GIGYF2: variants seen among roughly 807,000 people sequenced by gnomAD.
GIGYF2 encodes the protein GRB10-interacting GYF protein 2.
A neutral mutation model predicts 208.1 loss-of-function variants in GIGYF2; 25 were observed. The ratio of observed to expected loss-of-function variants is 0.12; its 90% CI spans 0.09 to 0.17. The LOEUF (loss-of-function observed/expected upper bound fraction) is 0.17, where lower values mean the gene tolerates loss of function less well. Ranked by LOEUF, GIGYF2 falls within the 10% of genes least tolerant of loss-of-function variation. GIGYF2 has a pLI of 1.00. For missense variants in GIGYF2, 1,302 were observed against 1,579.4 expected (o/e 0.82, Z 2.98); for synonymous variants, 534 against 543.8 (o/e 0.98, Z 0.25).
intron 8 of GIGYF2, among the ~76,000 whole-genome samples, chr2:232,772,274 G>A (rs1699298172): frequency 6.6e-6 from 1 of 152,086 alleles, no homozygotes; most frequent in African/African-American, 2.4e-5. Context: ...CATGTTCGTG[G>A]ATTCTTTCTG....
intron 2 of GIGYF2, among the ~76,000 whole-genome samples, chr2:232,714,126 A>G (rs1696562611): frequency 6.6e-6 from 1 of 151,272 alleles, no homozygotes; most frequent in African/African-American, 2.4e-5. Context: ...ATTTTTTTGT[A>G]TTTTTTAGTA....
At chr2:232,799,796 A>G (rs1384611759) in intron 14 of GIGYF2, among the ~76,000 whole-genome samples, 3 of 152,048 alleles carry the variant, frequency 2.0e-5, no homozygotes, top group African/African-American at 2.4e-5. Flanking sequence ...TCTCTCCAAC[A>G]CTTTTTTAAT....
chr2:232,729,561 CAT>C (rs1559387716), intron 2 of GIGYF2: 4 of 1,405,346 alleles, frequency 2.8e-6, no homozygotes, highest in African/African-American at 2.8e-5. Flanking sequence ...ATGGACTGCA[CAT>C]AGTCTTCAAA....
At position 232,787,169 on chromosome 2, in the gene GIGYF2, A is replaced by G; in HGVS notation, c.552A>G (p.Glu184=). The change falls in exon 9 of 29, where the codon GAA becomes GAG. Residue 184 remains glutamate, a synonymous_variant. Transcript: ENST00000373563. ...TTATAGGGAGACCAAATTTTGAGGAAGGTGGACCAACATCAGTAGGGAGAA... is the reference window on the plus strand; with the variant it reads ...TTATAGGGAGACCAAATTTTGAGGAGGGTGGACCAACATCAGTAGGGAGAA... ...RKDVGRPNFE[E]GGPTSVGRKH... The G allele has an allele frequency of 1.2e-6, 2 of 1,613,842 alleles. No homozygotes were observed. The highest frequency in any genetic ancestry group is 1.7e-6 in the Non-Finnish European group (2 of 1,179,754).
chr2:232,761,726 A>G (rs1247599043), intron 8 of GIGYF2, among the ~76,000 whole-genome samples: 2 of 151,974 alleles, frequency 1.3e-5, no homozygotes, highest in South Asian at 2.1e-4. Flanking sequence ...ATAGCATCTC[A>G]CAGATGAGAA....
chr2:232,707,858 G>A (rs775617839), intron 2 of GIGYF2, among the ~76,000 whole-genome samples: 1 of 151,940 alleles, frequency 6.6e-6, no homozygotes, highest in Non-Finnish European at 1.5e-5. Flanking sequence ...GGCTGGTCCC[G>A]AACTCTTGAC....
chr2:232,825,874 A>C, intron 21 of GIGYF2, among the ~76,000 whole-genome samples: 1 of 121,532 alleles, frequency 8.2e-6, no homozygotes. Context: ...CCCTCGACAG[A>C]CCCTGGTGTG....
intron 6 of GIGYF2, among the ~76,000 whole-genome samples, chr2:232,757,344 C>T (rs1698588999): frequency 6.8e-6 from 1 of 147,566 alleles, no homozygotes; most frequent in African/African-American, 2.7e-5. Context: ...TTTATTTGTC[C>T]ATCTTTAGAG....
chr2:232,755,337 A>G (rs1698493373), intron 5 of GIGYF2, among the ~76,000 whole-genome samples: 1 of 151,960 alleles, frequency 6.6e-6, no homozygotes. Context: ...CGCCCGGCTA[A>G]TTTTTGTATT....
chr2:232,756,197 C>CTTTTTTTTTTTTTTTTTTTTTTTTTTGTT, intron 5 of GIGYF2, 26 bp from the exon 6 acceptor site: 1 of 709,936 alleles, frequency 1.4e-6, no homozygotes, highest in Admixed American at 2.9e-5. Flanking sequence ...TCCTTTTTCT[C>CTTTTTTTTTTTTTTTTTTTTTTTTTTGTT]TTTTTTTTTT....
chr2:232,815,793 C>T, intron 19 of GIGYF2, 56 bp downstream of exon 19: 1 of 906,272 alleles, frequency 1.1e-6, no homozygotes, highest in Non-Finnish European at 1.8e-6. Context: ...AGGACATAAA[C>T]ATTGCTGTTT....
At chr2:232,734,821 A>G (rs1697664620) in intron 2 of GIGYF2, among the ~76,000 whole-genome samples, 1 of 151,780 alleles carries the variant, frequency 6.6e-6, no homozygotes, top group African/African-American at 2.4e-5. Flanking sequence ...CCTTTCATTC[A>G]CTCCCCATTG....
chr2:232,715,197 A>G (rs1407773362), intron 2 of GIGYF2, among the ~76,000 whole-genome samples: 2 of 152,134 alleles, frequency 1.3e-5, no homozygotes, highest in East Asian at 3.9e-4. Flanking sequence ...GCATGCAAAT[A>G]GTTTGTTTTT....
intron 23 of GIGYF2, among the ~76,000 whole-genome samples, chr2:232,841,497 T>C (rs1701817675): frequency 6.7e-6 from 1 of 149,602 alleles, no homozygotes; most frequent in African/African-American, 2.5e-5. Flanking sequence ...GTATTTTTAG[T>C]AGAGACGGAG....
chr2:232,716,918 A>G (rs1239630511), intron 2 of GIGYF2, among the ~76,000 whole-genome samples: 2 of 150,552 alleles, frequency 1.3e-5, no homozygotes, highest in South Asian at 4.2e-4. Flanking sequence ...TGATCCTCCA[A>G]CTTCAGCCTC....
intron 9 of GIGYF2, among the ~76,000 whole-genome samples, 179 bp from the exon 10 acceptor site, chr2:232,790,519 A>C (rs761006224): frequency 1.8e-4 from 28 of 152,172 alleles, no homozygotes; most frequent in Non-Finnish European, 3.8e-4. Flanking sequence ...TCATCTCGTA[A>C]TGGTACATAT....
chr2:232,776,749 C>T, intron 8 of GIGYF2: 1 of 367,702 alleles, frequency 2.7e-6, no homozygotes, highest in East Asian at 4.5e-5. Flanking sequence ...GAGAAAGCCT[C>T]CAGAACTGAC....
At chr2:232,818,013 A>G (rs1399191427) in intron 20 of GIGYF2, among the ~76,000 whole-genome samples, 1 of 152,148 alleles carries the variant, frequency 6.6e-6, no homozygotes, top group East Asian at 1.9e-4. Flanking sequence ...CAGTGTCTCC[A>G]CATTCTCACC....
Position 232,765,679 on chromosome 2 carries a change from A to G in GIGYF2, c.532+4243A>G, listed in dbSNP as rs374243118. 2.1e-5 allele frequency: 4 copies of G among 189,024 alleles called. No homozygotes were observed. The Admixed American group carries it at 2.3e-4, about 11-fold the overall frequency. 11.7% of individuals were successfully genotyped at this position (189,024 alleles called of 1,614,324 possible). On this transcript the variant is annotated intron_variant, in intron 8 of 28. Coordinates refer to ENST00000373563, the MANE Select transcript of GIGYF2 (RefSeq NM_001103146.3). ...GGTGAAATGAAAGGATTATTAAAAA[A>G]TAATCCATATGATACCGGTTCACTC... is the stretch of plus-strand genomic sequence containing the variant.
Sources: gnomAD v4.1 joint callset for allele counts (sites outside exome capture counted in the v4.1 genomes callset) on GRCh38, gnomAD v4.1.1 for gene constraint, MANE v1.5 for transcripts, NCBI Gene and HGNC (gene_info 2026-07-23, HGNC 2026-07-21) for gene names.